The following CCDC126 variants were observed in gnomAD, a reference collection of about 807,000 sequenced individuals.
The protein encoded by CCDC126 is coiled-coil domain containing 126.
Under a neutral mutation model 11.7 loss-of-function variants are expected in CCDC126, and 5 were observed. That is an observed-to-expected ratio of 0.43 (90% confidence interval 0.22 to 0.90). CCDC126 has a LOEUF of 0.90. Among genes scored for constraint, CCDC126 ranks in the 40% least tolerant of loss-of-function variants. The probability of loss-of-function intolerance (pLI) is 0.27; values close to 1 mark genes in which losing one functional copy is unlikely to be tolerated. For synonymous variants in CCDC126, 60 were observed against 61.9 expected (o/e 0.97, Z 0.14); for missense variants, 150 against 163.1 (o/e 0.92, Z 0.44).
intron 3 of CCDC126, among the ~76,000 whole-genome samples, chr7:23,639,324 T>C (rs1783312667): frequency 6.6e-6 from 1 of 152,058 alleles, no homozygotes; most frequent in African/African-American, 2.4e-5. Flanking sequence ...CCCGAGTAGC[T>C]GGGACTACAG....
At chr7:23,614,901 G>A (rs1417778469) in intron 3 of CCDC126, among the ~76,000 whole-genome samples, 2 of 152,184 alleles carry the variant, frequency 1.3e-5, no homozygotes, top group Non-Finnish European at 2.9e-5. Flanking sequence ...TCCATTTATA[G>A]AGCACAGGCA....
intron 3 of CCDC126, among the ~76,000 whole-genome samples, chr7:23,612,918 G>A (rs1237174183): frequency 6.6e-6 from 1 of 152,060 alleles, no homozygotes; most frequent in Admixed American, 6.6e-5. Context: ...TTTCCTTTAA[G>A]ACTTAAAAAG....
chr7:23,629,054 A>G (rs1324512229), intron 3 of CCDC126, among the ~76,000 whole-genome samples: 1 of 152,230 alleles, frequency 6.6e-6, no homozygotes, highest in Non-Finnish European at 1.5e-5. Flanking sequence ...GTCTCATAAT[A>G]TGAAAATGTC....
intron 3 of CCDC126, among the ~76,000 whole-genome samples, chr7:23,616,205 C>T (rs985620280): frequency 1.3e-5 from 2 of 152,176 alleles, no homozygotes; most frequent in South Asian, 2.1e-4. Flanking sequence ...TATTCAGACA[C>T]ATTAGGTATT....
intron 3 of CCDC126, among the ~76,000 whole-genome samples, chr7:23,612,793 A>G (rs1011663520): frequency 6.6e-6 from 1 of 152,198 alleles, no homozygotes; most frequent in Non-Finnish European, 1.5e-5. Context: ...AGCATTTATT[A>G]TTTCCTAAGA....
At chr7:23,604,481 C>G (rs887986717) in intron 2 of CCDC126, among the ~76,000 whole-genome samples, 1 of 152,016 alleles carries the variant, frequency 6.6e-6, no homozygotes, top group African/African-American at 2.4e-5. Flanking sequence ...TAAGACATTT[C>G]CTGTATTACC....
intron 3 of CCDC126, 33 bp downstream of exon 3, chr7:23,611,586 C>G (rs1413057514): frequency 5.5e-6 from 8 of 1,445,650 alleles, no homozygotes; most frequent in Non-Finnish European, 7.8e-6. Context: ...CTAGTTTCCT[C>G]CAATCCCTGT....
chr7:23,612,488 A>C lies in CCDC126; in HGVS notation c.238+935A>C, dbSNP rs1367431385. Among the ~76,000 whole-genome samples the C allele has an allele frequency of 4.7e-5, 7 of 150,120 alleles. No individual in the cohort carries two copies. In the East Asian group the frequency reaches 1.2e-3, roughly 25 times the overall value. ...AGACTCCATCTCAAAAAAAAAAAAAAAAAAAAAAAAAAACAAAGAAAAAAG... is the reference window on the plus strand; with the variant it reads ...AGACTCCATCTCAAAAAAAAAAAAACAAAAAAAAAAAAACAAAGAAAAAAG... On this transcript the variant is annotated intron_variant, in intron 3 of 3. Transcript: ENST00000307471.
chr7:23,608,191 G>A (rs1370577217), intron 2 of CCDC126, among the ~76,000 whole-genome samples: 3 of 152,182 alleles, frequency 2.0e-5, no homozygotes, highest in East Asian at 3.9e-4. Context: ...CGGAGGACAC[G>A]AAAACCCTTA....
At chr7:23,639,874 G>T (rs571432390) in intron 3 of CCDC126, among the ~76,000 whole-genome samples, 5 of 152,050 alleles carry the variant, frequency 3.3e-5, no homozygotes, top group African/African-American at 9.6e-5. Context: ...AACAACATTT[G>T]CCATTAAAAT....
chr7:23,603,256 G>A (rs562045012), intron 2 of CCDC126, among the ~76,000 whole-genome samples: 8 of 152,192 alleles, frequency 5.3e-5, no homozygotes, highest in South Asian at 2.1e-4. Flanking sequence ...AATCCTTCTT[G>A]TAGCAACTTT....
intron 3 of CCDC126, among the ~76,000 whole-genome samples, chr7:23,623,000 T>C (rs906158922): frequency 2.5e-5 from 3 of 118,480 alleles, no homozygotes; most frequent in Non-Finnish European, 5.0e-5. Context: ...TGAGATGAAG[T>C]TTTGCTCTTG....
intron 3 of CCDC126, among the ~76,000 whole-genome samples, chr7:23,615,215 C>T (rs2128016689): frequency 6.6e-6 from 1 of 152,344 alleles, no homozygotes; most frequent in East Asian, 1.9e-4. Context: ...CTTGCTGCTT[C>T]ACCTTGCACT....
At chr7:23,600,382 C>CA (rs1413550830) in intron 2 of CCDC126, among the ~76,000 whole-genome samples, 1 of 143,678 alleles carries the variant, frequency 7.0e-6, no homozygotes, top group African/African-American at 2.5e-5. Context: ...TAACCCCCCC[C>CA]CCCCCACCAC....
At position 23,643,130 on chromosome 7, in the gene CCDC126, C is replaced by G. The variant is rs761560559; in HGVS notation, c.*15C>G. 1 of 1,608,036 alleles carries G rather than the reference C, an allele frequency of 6.2e-7. No individual in the cohort carries two copies. Among genetic ancestry groups the G allele is most frequent in the Non-Finnish European group, 8.5e-7 (1 of 1,176,262 alleles). ...GTATCAGATAGCAGTTGAAAATCAC[C>G]TTGTGCTGCTCCATCCACTGTGGAT... On this transcript the variant is annotated 3_prime_UTR_variant, in exon 4 of 4. Coordinates refer to ENST00000307471, the MANE Select transcript of CCDC126 (RefSeq NM_138771.4).
chr7:23,623,712 G>A (rs1005593726), intron 3 of CCDC126, among the ~76,000 whole-genome samples: 8 of 152,078 alleles, frequency 5.3e-5, no homozygotes, highest in Non-Finnish European at 1.0e-4. Context: ...CTTAATAATG[G>A]GGTATTATAC....
At chr7:23,616,323 A>G (rs549110563) in intron 3 of CCDC126, among the ~76,000 whole-genome samples, 1 of 152,290 alleles carries the variant, frequency 6.6e-6, no homozygotes, top group African/African-American at 2.4e-5. Context: ...TTAAGATCAC[A>G]ATTTGTCATC....
chr7:23,616,963 C>T (rs1562492922), intron 3 of CCDC126, among the ~76,000 whole-genome samples: 1 of 152,124 alleles, frequency 6.6e-6, no homozygotes, highest in African/African-American at 2.4e-5. Flanking sequence ...CCATTTCTGT[C>T]TTTTTACTTC....
At chr7:23,642,428 T>G (rs1783378696) in intron 3 of CCDC126, among the ~76,000 whole-genome samples, 1 of 152,124 alleles carries the variant, frequency 6.6e-6, no homozygotes, top group African/African-American at 2.4e-5. Flanking sequence ...CATTTACAAC[T>G]CTGAAATTCC....
Sources: gnomAD v4.1 joint callset for allele counts (sites outside exome capture counted in the v4.1 genomes callset) on GRCh38, gnomAD v4.1.1 for gene constraint, MANE v1.5 for transcripts, NCBI Gene and HGNC (gene_info 2026-07-23, HGNC 2026-07-21) for gene names.